Variants in ZNF860 observed in about 807,000 individuals in gnomAD.
ZNF860 encodes the protein zinc finger protein 860.
For missense variants in ZNF860, 641 were observed against 759.2 expected (o/e 0.84, Z 1.83); for synonymous variants, 206 against 248.9 (o/e 0.83, Z 1.62).
chr3:31,988,117 T>C (rs1698961710), intron 1 of ZNF860, among the ~76,000 whole-genome samples: 1 of 152,208 alleles, frequency 6.6e-6, no homozygotes, highest in Admixed American at 6.5e-5. Flanking sequence ...ACTGATCGCT[T>C]TGCACCTCCT....
At chr3:31,994,249 G>A (rs371250376), downstream of ZNF860, among the ~76,000 whole-genome samples, 2 of 152,184 alleles carry the variant, frequency 1.3e-5, no homozygotes, top group South Asian at 4.1e-4. Flanking sequence ...CTAGAAAGAG[G>A]TAGCTAGACA....
the ZNF860 span, among the ~76,000 whole-genome samples, chr3:31,998,770 C>T: frequency 3.3e-5 from 5 of 152,154 alleles, no homozygotes; most frequent in African/African-American, 7.2e-5. Flanking sequence ...TATAGATCCA[C>T]GTCTATTGGT....
downstream of ZNF860, among the ~76,000 whole-genome samples, chr3:31,994,492 G>GGATGGATT (rs1441719777): frequency 5.2e-5 from 3 of 57,602 alleles, no homozygotes; most frequent in Non-Finnish European, 9.4e-5. Flanking sequence ...GGGAAAAAAA[G>GGATGGATT]GATGGATGGA....
rs1698994070 is a variant in ZNF860, at chr3:31,989,560, T to C, written c.481T>C (p.Ser161Pro). The change falls in exon 2 of 2, where the codon TCG (serine) becomes CCG (proline). Residue 161 changes from serine to proline, a missense_variant. By Grantham distance (74) the Ser-to-Pro change is moderately conservative. Transcript: ENST00000360311. ...IKDQLGLSFH[S>P]HLPELHIFQT... is the part of the protein sequence containing the mutation. ...AGATCAGCTTGGATTAAGCTTTCAT[T>C]CGCATCTTCCTGAACTCCACATATT... 1 of 1,614,200 alleles carries C rather than the reference T, an allele frequency of 6.2e-7. No homozygotes were observed. Among genetic ancestry groups the C allele is most frequent in the African/African-American group, 1.3e-5 (1 of 75,034 alleles).
At chr3:31,999,053 G>T in the ZNF860 span, among the ~76,000 whole-genome samples, 1 of 152,210 alleles carries the variant, frequency 6.6e-6, no homozygotes, top group Non-Finnish European at 1.5e-5. Context: ...CAGCCAGACA[G>T]TAATAATCTC....
chr3:31,990,685 A>G lies in ZNF860; in HGVS notation c.1606A>G (p.Lys536Glu). ...TCATCATAGACTTCATACTGGAGAG[A>G]AACCTTACAAATGTGAAGAATGTGA... ...ARHHRLHTGE[K>E]PYKCEECDTV... Residue 536 changes from lysine (K) to glutamate (E), a missense_variant, in exon 2 of 2, where the codon AAA (lysine) becomes GAA (glutamate). Transcript: ENST00000360311. 1.9e-6 allele frequency: 3 copies of G among 1,614,200 alleles called. No homozygotes were observed. Among genetic ancestry groups the G allele is most frequent in the Middle Eastern group, 1.6e-4 (1 of 6,062 alleles).
At chr3:32,000,827 A>G in the ZNF860 span, among the ~76,000 whole-genome samples, 2 of 152,150 alleles carry the variant, frequency 1.3e-5, no homozygotes, top group African/African-American at 2.4e-5. Context: ...TGCGGTTCAC[A>G]TGGGAAATAC....
intron 1 of ZNF860, among the ~76,000 whole-genome samples, chr3:31,987,389 C>T (rs146142161): frequency 6.6e-6 from 1 of 152,282 alleles, no homozygotes; most frequent in Non-Finnish European, 1.5e-5. Flanking sequence ...CAAGCTTTTG[C>T]TATTGTGAGA....
chr3:32,002,783 G>GTCTAAGATTTTAGAGAAAAAAGGTTTCT, the ZNF860 span, among the ~76,000 whole-genome samples: 9 of 152,184 alleles, frequency 5.9e-5, no homozygotes, highest in South Asian at 4.1e-4. Flanking sequence ...ACTACAGTGT[G>GTCTAAGATTTTAGAGAAAAAAGGTTTCT]CCCCTTGGGA....
At chr3:32,004,316 G>A in the ZNF860 span, among the ~76,000 whole-genome samples, 1 of 152,130 alleles carries the variant, frequency 6.6e-6, no homozygotes, top group Non-Finnish European at 1.5e-5. Flanking sequence ...GGAGCAGCAT[G>A]TGGTACTGGC....
chr3:31,990,958 C>T lies in ZNF860; in HGVS notation c.1879C>T (p.Arg627Cys), dbSNP rs4955217. The T allele has an allele frequency of 0.012, 18,518 of 1,573,806 alleles. 218 individuals carry two copies. The highest frequency in any genetic ancestry group is 0.06 in the African/African-American group (4,434 of 73,896). ...TGQKSYKCHK[R>C]GKVFS ...ACAGAAATCTTACAAATGTCATAAG[C>T]GTGGCAAGGTCTTCAGTTAGAGGTC... The change falls in exon 2 of 2, where the codon CGT becomes TGT. Residue 627 changes from arginine (R) to cysteine (C), a missense_variant. Coordinates refer to ENST00000360311, the MANE Select transcript of ZNF860 (RefSeq NM_001137674.3).
rs758941089 is a variant in ZNF860 at position 31,990,324 on chromosome 3, T to A, written c.1245T>A (p.Asn415Lys). ...TCAGTAATGCTACAACCATTGCAAA[T>A]CATTGGAGAATCCATAATGAAGAGA... ...KVFSNATTIA[N>K]HWRIHNEERS... is the part of the protein sequence containing the mutation. The change falls in exon 2 of 2, where the codon AAT becomes AAA. Residue 415 changes from asparagine to lysine, a missense_variant. Coordinates refer to ENST00000360311, the MANE Select transcript of ZNF860 (RefSeq NM_001137674.3). 6.2e-7 allele frequency: 1 copy of A among 1,613,954 alleles called. No homozygotes were observed. Among genetic ancestry groups the A allele is most frequent in the African/African-American group, 1.3e-5 (1 of 74,894 alleles).
intron 1 of ZNF860, among the ~76,000 whole-genome samples, chr3:31,983,692 G>A (rs1026318887): frequency 6.6e-6 from 1 of 152,162 alleles, no homozygotes; most frequent in African/African-American, 2.4e-5. Flanking sequence ...CTCACCCATG[G>A]AGTTATGGAT....
chr3:31,999,984 G>A, the ZNF860 span, among the ~76,000 whole-genome samples: 1 of 152,222 alleles, frequency 6.6e-6, no homozygotes, highest in South Asian at 2.1e-4. Context: ...TAAATATCTA[G>A]TGGTGCGGCC....
chr3:31,999,956 A>G, the ZNF860 span, among the ~76,000 whole-genome samples: 5 of 152,138 alleles, frequency 3.3e-5, no homozygotes, highest in Non-Finnish European at 7.3e-5. Flanking sequence ...CTCTTCTAAA[A>G]CTAATTCCCT....
At chr3:31,997,333 C>T in the ZNF860 span, among the ~76,000 whole-genome samples, 17,187 of 151,128 alleles carry the variant, frequency 0.11, 1,143 homozygotes, top group South Asian at 0.27. Flanking sequence ...GGTGCGATTT[C>T]GGCTCACTGC....
chr3:31,987,847 G>A (rs1384630652), intron 1 of ZNF860, among the ~76,000 whole-genome samples: 2 of 152,216 alleles, frequency 1.3e-5, no homozygotes, highest in South Asian at 4.1e-4. Context: ...TCACCTCCAA[G>A]TGGATCAGAA....
downstream of ZNF860, among the ~76,000 whole-genome samples, chr3:31,991,861 G>A (rs935272934): frequency 2.3e-5 from 3 of 128,478 alleles, no homozygotes; most frequent in South Asian, 7.5e-4. Context: ...TTCAAGACAG[G>A]CTAAAAAAAA....
In ZNF860 at chr3:31,989,118, G is replaced by A; in HGVS notation, c.39G>A (p.Lys13=). The part of the protein sequence containing the change: ...REEAAQKRKE[K]EPGMALPQGH... ...AAGCAGCTCAGAAGAGGAAAGAAAA[G>A]GAGCCAGGCATGGCTCTTCCTCAGG... The change falls in exon 2 of 2, where the codon AAG becomes AAA. Residue 13 remains lysine (K), a synonymous_variant. Transcript: ENST00000360311. 1 of 1,614,118 alleles carries A rather than the reference G, an allele frequency of 6.2e-7. No homozygotes were observed. The highest frequency in any genetic ancestry group is 8.5e-7 in the Non-Finnish European group (1 of 1,179,998).
Sources: allele counts gnomAD v4.1 joint callset (sites outside exome capture counted in the v4.1 genomes callset), GRCh38; gene constraint gnomAD v4.1.1; transcripts MANE v1.5; gene names NCBI Gene and HGNC (gene_info 2026-07-23, HGNC 2026-07-21).